BCR: variants seen among roughly 807,000 people sequenced by gnomAD.
The protein encoded by BCR is breakpoint cluster region protein.
In BCR, 58 loss-of-function variants were observed where a neutral mutation model predicts 138.6. The ratio of observed to expected loss-of-function variants is 0.42; its 90% CI spans 0.34 to 0.52. The LOEUF is 0.52. Ranked by LOEUF, BCR falls within the 20% of genes least tolerant of loss-of-function variation. BCR has a pLI of 0.06. For synonymous variants in BCR, 786 were observed against 730.1 expected (o/e 1.08, Z -1.23); for missense variants, 1,599 against 1,727.2 (o/e 0.93, Z 1.32).
intron 8 of BCR, among the ~76,000 whole-genome samples, chr22:23,275,996 A>G (rs1199881426): frequency 6.6e-6 from 1 of 152,178 alleles, no homozygotes; most frequent in Non-Finnish European, 1.5e-5. Context: ...GATGTTGTCT[A>G]GAAGTTGACA....
chr22:23,257,401 G>A (rs1258231682), intron 2 of BCR, among the ~76,000 whole-genome samples: 2 of 152,196 alleles, frequency 1.3e-5, no homozygotes, highest in African/African-American at 2.4e-5. Context: ...TCCCACCCAC[G>A]CCGGCACAAG....
At position 23,231,147 on chromosome 22, in the gene BCR, G is replaced by A. The variant is rs182256341; in HGVS notation, c.1280-22652G>A. Among the ~76,000 whole-genome samples the A allele has an allele frequency of 1.0e-3, 158 of 152,208 alleles. 1 individual carries two copies. Among genetic ancestry groups the A allele is most frequent in the African/African-American group, 3.5e-3 (146 of 41,550 alleles). On this transcript the variant is annotated intron_variant, in intron 1 of 22. Coordinates refer to ENST00000305877, the MANE Select transcript of BCR (RefSeq NM_004327.4). The stretch of plus-strand genomic sequence containing the variant: ...TGGAAGCTGCCCTTTTTTCCTAATG[G>A]GAAAGAAGGGATTTTGTTTTTGAGA...
Position 23,181,473 on chromosome 22 carries a change from C to T in BCR, c.513C>T (p.Asp171=), listed in dbSNP as rs373545962. Residue 171 remains aspartate (D), a synonymous_variant, in exon 1 of 23, where the codon GAC becomes GAT. Coordinates refer to ENST00000305877, the MANE Select transcript of BCR (RefSeq NM_004327.4). ...IRKGHGQPGA[D]AEKPFYVNVE... is the part of the protein sequence containing the mutation. ...AGGGCCATGGCCAGCCCGGGGCGGA[C>T]GCCGAGAAGCCCTTCTACGTGAACG... 49 of 1,609,220 alleles carry T rather than the reference C, an allele frequency of 3.0e-5. No homozygotes were observed. Among genetic ancestry groups the T allele is most frequent in the Non-Finnish European group, 4.1e-5 (48 of 1,177,326 alleles).
intron 8 of BCR, 120 bp from the exon 9 acceptor site, chr22:23,283,857 A>T: frequency 7.4e-7 from 1 of 1,350,280 alleles, no homozygotes; most frequent in Non-Finnish European, 9.8e-7. Context: ...GGAGGGAGTG[A>T]AATCTTCCCA....
chr22:23,261,730 C>A (rs1244374118), intron 4 of BCR, 190 bp downstream of exon 4: 6 of 423,788 alleles, frequency 1.4e-5, no homozygotes, highest in Non-Finnish European at 2.4e-5. Flanking sequence ...CCATGCCCAG[C>A]CTTTTTTTTT....
chr22:23,286,088 A>G (rs959793956), intron 10 of BCR, among the ~76,000 whole-genome samples: 9 of 152,198 alleles, frequency 5.9e-5, no homozygotes, highest in Admixed American at 1.3e-4. Context: ...ACAGCCAGAC[A>G]GTGGAGGGCT....
Position 23,316,973 on chromosome 22 carries a change from G to A in BCR, c.*1451G>A, listed in dbSNP as rs140467. ...CAAACTGAGAGCCAAGTTTCCACAC[G>A]GTCCTGCAGGAGGAGAGGATGCAGC... On this transcript the variant is annotated 3_prime_UTR_variant, in exon 23 of 23. Transcript: ENST00000305877. 0.047 allele frequency: 5,161 copies of A among 109,176 alleles called. 351 individuals carry two copies. The highest frequency in any genetic ancestry group is 0.26 in the East Asian group (1,395 of 5,466). 6.8% of individuals were successfully genotyped at this position (109,176 alleles called of 1,614,324 possible).
Position 23,180,994 on chromosome 22 carries a change from A to T in BCR, c.34A>T (p.Lys12Ter). 6.9e-7 allele frequency: 1 copy of T among 1,455,216 alleles called. No individual in the cohort carries two copies. The highest frequency in any genetic ancestry group is 9.2e-7 in the Non-Finnish European group (1 of 1,090,460). The allele number at this position is 1,455,216 out of a possible 1,614,324, so 90.1% of individuals were successfully genotyped here. ...CCCGGTGGGCTTCGCGGAGGCGTGG[A>T]AGGCGCAGTTCCCGGACTCAGAGCC... ...VDPVGFAEAW[K>*]AQFPDSEPPR... is the part of the protein sequence containing the mutation. Residue 12 changes from lysine (K) to a stop codon, truncating the protein, a stop_gained, in exon 1 of 23, where the codon AAG (lysine) becomes TAG (stop). Transcript: ENST00000305877. LOFTEE classifies it high-confidence loss of function.
rs112818361 is a variant in BCR at position 23,296,306 on chromosome 22, G to A, written c.3012+1151G>A. Among the ~76,000 whole-genome samples, 1,343 of 151,118 alleles carry A rather than the reference G, an allele frequency of 8.9e-3. 16 individuals carry two copies. The highest frequency in any genetic ancestry group is 0.031 in the African/African-American group (1,279 of 41,100). On this transcript the variant is annotated intron_variant, in intron 16 of 22. Coordinates refer to ENST00000305877, the MANE Select transcript of BCR (RefSeq NM_004327.4). ...GGAGAATGGCATGAACCTGGGAGGC[G>A]GAGCTTGCAATGAGTCAAGATCACA...
At chr22:23,287,681 A>G (rs1241081821) in intron 11 of BCR, among the ~76,000 whole-genome samples, 1 of 152,142 alleles carries the variant, frequency 6.6e-6, no homozygotes, top group Non-Finnish European at 1.5e-5. Context: ...CAATGTCCAG[A>G]ATGGCTTGTT....
rs749173280 is a variant in BCR at position 23,288,080 on chromosome 22, C to G, written c.2527-17C>G. On this transcript the variant is annotated splice_polypyrimidine_tract_variant and intron_variant, in intron 11 of 22. Coordinates refer to ENST00000305877, the MANE Select transcript of BCR (RefSeq NM_004327.4). ...CAGGGCGGAGATAACTGGGTGTGTT[C>G]TTCTTGCCCACCCTAGAGTTACACG... The G allele has an allele frequency of 2.2e-5, 35 of 1,613,094 alleles. No individual in the cohort carries two copies. The highest frequency in any genetic ancestry group is 2.6e-5 in the Non-Finnish European group (31 of 1,179,370).
chr22:23,275,535 C>T lies in BCR; in HGVS notation c.2115+1761C>T, dbSNP rs773051169. On this transcript the variant is annotated intron_variant, in intron 8 of 22. Transcript: ENST00000305877. The stretch of plus-strand genomic sequence containing the variant: ...GGAGGCGTTGAGCAGTGCAAGTGTT[C>T]CCCAGCTGCTCATCCCATGGCTGGG... 2.2e-4 allele frequency among the ~76,000 whole-genome samples: 33 copies of T among 152,338 alleles called. 1 individual carries two copies. Among genetic ancestry groups the T allele is most frequent in the Non-Finnish European group, 4.0e-4 (27 of 68,038 alleles).
rs527999489 is a variant in BCR at position 23,271,727 on chromosome 22, A to T, written c.1921+135A>T. On this transcript the variant is annotated intron_variant, in intron 6 of 22. Coordinates refer to ENST00000305877, the MANE Select transcript of BCR (RefSeq NM_004327.4). Reference sequence around the variant, plus strand: ...TGCCTTCCCTGTTCTCTCTTCAGATAGAGTGGGCACGAGGAAAGAACAGCT... The same window carrying T: ...TGCCTTCCCTGTTCTCTCTTCAGATTGAGTGGGCACGAGGAAAGAACAGCT... 10 of 826,168 alleles carry T rather than the reference A, an allele frequency of 1.2e-5. No individual in the cohort carries two copies. The South Asian group carries it at 1.4e-4, about 12-fold the overall frequency. The allele number at this position is 826,168 out of a possible 1,614,324, so 51.2% of individuals were successfully genotyped here.
intron 14 of BCR, among the ~76,000 whole-genome samples, chr22:23,291,652 C>G (rs1371017579): frequency 6.6e-6 from 1 of 152,094 alleles, no homozygotes; most frequent in African/African-American, 2.4e-5. Flanking sequence ...TCTTCCTTGC[C>G]CCGTGCACTC....
At chr22:23,275,115 G>C (rs1359252205) in intron 8 of BCR, among the ~76,000 whole-genome samples, 1 of 152,130 alleles carries the variant, frequency 6.6e-6, no homozygotes, top group African/African-American at 2.4e-5. Flanking sequence ...ACACCACTTT[G>C]GGAATGGTAC....
intron 4 of BCR, chr22:23,264,228 G>T: frequency 9.4e-7 from 1 of 1,059,906 alleles, no homozygotes; most frequent in South Asian, 1.3e-5. Context: ...GCACCAAAGG[G>T]CCTGCCCGCA....
chr22:23,286,041 T>TA (rs1336165566), intron 10 of BCR, among the ~76,000 whole-genome samples: 2 of 152,138 alleles, frequency 1.3e-5, no homozygotes, highest in African/African-American at 4.8e-5. Flanking sequence ...GTGGTTCCAT[T>TA]ACATGGGTGA....
chr22:23,228,094 C>G (rs561136619), intron 1 of BCR, among the ~76,000 whole-genome samples: 1 of 152,128 alleles, frequency 6.6e-6, no homozygotes, highest in Non-Finnish European at 1.5e-5. Context: ...TGATTTTGGT[C>G]ATTTGTGCCT....
intron 16 of BCR, 46 bp downstream of exon 16, chr22:23,295,201 T>C: frequency 1.9e-6 from 3 of 1,601,312 alleles, no homozygotes; most frequent in Non-Finnish European, 1.7e-6. Context: ...CATGGCGTCC[T>C]TTTTCATGCA....
Sources: allele counts gnomAD v4.1 joint callset (sites outside exome capture counted in the v4.1 genomes callset), GRCh38; gene constraint gnomAD v4.1.1; transcripts MANE v1.5; gene names NCBI Gene and HGNC (gene_info 2026-07-23, HGNC 2026-07-21).